CSMD1: variants seen among roughly 807,000 people sequenced by gnomAD.
The protein encoded by CSMD1 is CUB and sushi domain-containing protein 1.
A neutral mutation model predicts 417.5 loss-of-function variants in CSMD1; 213 were observed. The observed-to-expected ratio is 0.51, with a 90% CI of 0.46 to 0.57. CSMD1 has a LOEUF of 0.57. CSMD1 is among the 20% of genes least tolerant of loss of function. The pLI, the probability that CSMD1 is intolerant of heterozygous loss-of-function variation, is 0.00. For synonymous variants in CSMD1, 2,862 were observed against 1,736.8 expected, an observed-to-expected ratio of 1.65 and a Z score of -16.11; for missense variants, 6,923 against 4,529.7, an observed-to-expected ratio of 1.53 and a Z score of -15.17.
At chr8:3,508,521 A>G (rs1049159427) in intron 10 of CSMD1, among the ~76,000 whole-genome samples, 7 of 152,076 alleles carry the variant, frequency 4.6e-5, no homozygotes, top group African/African-American at 1.7e-4. Flanking sequence ...AAAAAAGAAA[A>G]AATAGAATAT....
chr8:3,979,872 C>G (rs999658550), intron 5 of CSMD1, among the ~76,000 whole-genome samples: 2 of 152,168 alleles, frequency 1.3e-5, no homozygotes, highest in Non-Finnish European at 2.9e-5. Flanking sequence ...ATACTGTAGA[C>G]AGTCACAAAT....
chr8:3,300,487 G>T (rs565910226), intron 25 of CSMD1, among the ~76,000 whole-genome samples: 1 of 152,034 alleles, frequency 6.6e-6, no homozygotes, highest in African/African-American at 2.4e-5. Context: ...AGCAAGCTCA[G>T]GCGAGTGAAA....
At chr8:4,930,742 G>A (rs922836066) in intron 1 of CSMD1, among the ~76,000 whole-genome samples, 5 of 152,120 alleles carry the variant, frequency 3.3e-5, no homozygotes, top group Non-Finnish European at 7.3e-5. Flanking sequence ...GATACAAAAG[G>A]TTACCAGGTG....
chr8:3,256,971 T>C (rs530368593), intron 26 of CSMD1, among the ~76,000 whole-genome samples: 1 of 152,116 alleles, frequency 6.6e-6, no homozygotes, highest in East Asian at 1.9e-4. Flanking sequence ...GAAGAGAAAA[T>C]AAAATATTTG....
At chr8:3,452,455 G>T (rs1053569152) in intron 12 of CSMD1, among the ~76,000 whole-genome samples, 1 of 152,262 alleles carries the variant, frequency 6.6e-6, no homozygotes, top group East Asian at 1.9e-4. Flanking sequence ...CTGTGGGTTT[G>T]TCATAGATAG....
intron 2 of CSMD1, among the ~76,000 whole-genome samples, chr8:4,439,647 G>C: frequency 6.6e-6 from 1 of 152,144 alleles, no homozygotes; most frequent in East Asian, 1.9e-4. Context: ...AGGCAAAATG[G>C]AAGTTGGTAG....
chr8:3,583,603 A>T (rs993988645), intron 9 of CSMD1, among the ~76,000 whole-genome samples: 8 of 152,064 alleles, frequency 5.3e-5, no homozygotes, highest in African/African-American at 1.9e-4. Context: ...TGCTGATACT[A>T]AAACATGATA....
chr8:4,234,268 T>A (rs1801914989), intron 3 of CSMD1, among the ~76,000 whole-genome samples: 1 of 152,108 alleles, frequency 6.6e-6, no homozygotes, highest in South Asian at 2.1e-4. Context: ...TGAACAAGAC[T>A]TACACGAAGT....
At chr8:3,727,477 A>G (rs182733044) in intron 6 of CSMD1, among the ~76,000 whole-genome samples, 221 of 152,326 alleles carry the variant, frequency 1.5e-3, no homozygotes, top group Non-Finnish European at 7.3e-4. Context: ...AAAAATGAAT[A>G]AAGAGTAAGA....
intron 1 of CSMD1, among the ~76,000 whole-genome samples, chr8:4,978,475 C>G (rs1327848811): frequency 2.6e-5 from 4 of 152,180 alleles, no homozygotes; most frequent in Non-Finnish European, 4.4e-5. Flanking sequence ...ATAAACCCAG[C>G]ATCTTTGATT....
chr8:3,507,727 G>GTTT (rs1328116367), intron 10 of CSMD1, among the ~76,000 whole-genome samples: 2 of 152,152 alleles, frequency 1.3e-5, no homozygotes, highest in Non-Finnish European at 2.9e-5. Context: ...TCTCACTGGG[G>GTTT]TTTTGATTTG....
intron 3 of CSMD1, among the ~76,000 whole-genome samples, chr8:4,066,181 A>C (rs1585239074): frequency 1.3e-5 from 2 of 151,956 alleles, no homozygotes; most frequent in Admixed American, 6.5e-5. Flanking sequence ...ATTCACATTC[A>C]CCTCTCCTTA....
intron 4 of CSMD1, among the ~76,000 whole-genome samples, chr8:4,010,520 AC>A (rs1326413253): frequency 6.6e-6 from 1 of 151,960 alleles, no homozygotes; most frequent in Non-Finnish European, 1.5e-5. Flanking sequence ...CCATGCCATC[AC>A]CATTCCCATC....
intron 3 of CSMD1, among the ~76,000 whole-genome samples, chr8:4,252,802 T>G (rs1175847279): frequency 2.0e-5 from 3 of 152,212 alleles, no homozygotes; most frequent in African/African-American, 7.2e-5. Flanking sequence ...TTCTGTACAC[T>G]TTCTCCATGC....
At chr8:4,538,191 A>ATT (rs5889045) in intron 2 of CSMD1, among the ~76,000 whole-genome samples, 37,008 of 144,752 alleles carry the variant, frequency 0.26, 5,532 homozygotes, top group Admixed American at 0.36. Flanking sequence ...AGGTGGCTAC[A>ATT]TTTTTTTTTT....
chr8:3,424,479 A>G (rs1813696346), intron 12 of CSMD1, among the ~76,000 whole-genome samples: 1 of 152,218 alleles, frequency 6.6e-6, no homozygotes, highest in South Asian at 2.1e-4. Flanking sequence ...AATATGTGTA[A>G]CTTAATGATT....
At chr8:3,202,233 A>G (rs1049284953) in intron 31 of CSMD1, among the ~76,000 whole-genome samples, 2 of 152,230 alleles carry the variant, frequency 1.3e-5, no homozygotes, top group African/African-American at 4.8e-5. Flanking sequence ...ACTTTATTCA[A>G]TGAAAAATAA....
In CSMD1 at chr8:3,219,428, G is replaced by A. The variant is rs1229540528; in HGVS notation, c.4499C>T (p.Pro1500Leu). 2.0e-6 allele frequency: 3 copies of A among 1,499,820 alleles called. No individual in the cohort carries two copies. The highest frequency in any genetic ancestry group is 5.0e-5 in the East Asian group (2 of 40,042). 92.9% of individuals were successfully genotyped at this position (1,499,820 alleles called of 1,614,324 possible). The change falls in exon 29 of 70, where the codon CCC (proline) becomes CTC (leucine). Residue 1500 changes from proline (P) to leucine (L), a missense_variant. Transcript: ENST00000635120. ...ATAGATGTGTAGGAAGTCATAGCTG[G>A]GCTCCATGTTGAAACTAAAGAAAAG... ...ALIFKSFNMEPSYDFLHIYEG... is the reference protein window; with the variant it reads ...ALIFKSFNMELSYDFLHIYEG...
chr8:4,149,786 G>C (rs142495736), intron 3 of CSMD1, among the ~76,000 whole-genome samples: 17 of 152,300 alleles, frequency 1.1e-4, no homozygotes, highest in African/African-American at 3.8e-4. Flanking sequence ...AGTTGCTTCA[G>C]GGAAGGTCAC....
Sources: gnomAD v4.1 joint callset for allele counts (sites outside exome capture counted in the v4.1 genomes callset) on GRCh38, gnomAD v4.1.1 for gene constraint, MANE v1.5 for transcripts, NCBI Gene and HGNC (gene_info 2026-07-23, HGNC 2026-07-21) for gene names.